The following THSD7B variants were observed in gnomAD, a reference collection of about 807,000 sequenced individuals.
THSD7B encodes thrombospondin type-1 domain-containing protein 7B.
Under a neutral mutation model 213.6 loss-of-function variants are expected in THSD7B, and 138 were observed. The ratio of observed to expected loss-of-function variants is 0.65; its 90% CI spans 0.56 to 0.74. THSD7B has a LOEUF of 0.74. Ranked by LOEUF, THSD7B falls within the 30% of genes least tolerant of loss-of-function variation. The probability of loss-of-function intolerance (pLI) is 0.00; values close to 1 mark genes in which losing one functional copy is unlikely to be tolerated. For synonymous variants in THSD7B, 742 were observed against 687.0 expected, an observed-to-expected ratio of 1.08 and a Z score of -1.25; for missense variants, 1,931 against 1,991.5, an observed-to-expected ratio of 0.97 and a Z score of 0.58.
rs572394682 is a variant in THSD7B at position 136,885,487 on chromosome 2, T to C, written c.139+3170T>C. Among the ~76,000 whole-genome samples, 4 of 152,306 alleles carry C rather than the reference T, an allele frequency of 2.6e-5. No individual in the cohort carries two copies. In the South Asian group the frequency reaches 8.3e-4, roughly 32 times the overall value. On this transcript the variant is annotated intron_variant, in intron 2 of 27. Coordinates refer to ENST00000409968, the MANE Select transcript of THSD7B (RefSeq NM_001316349.2). ...TGTGATGAGATCCTATAATCTATATTGGTGTCAGACACTCTGTTAGCTGTG... is the reference window on the plus strand; with the variant it reads ...TGTGATGAGATCCTATAATCTATATCGGTGTCAGACACTCTGTTAGCTGTG...
chr2:137,511,796 G>C (rs1001817129), intron 15 of THSD7B, among the ~76,000 whole-genome samples: 4 of 152,190 alleles, frequency 2.6e-5, no homozygotes, highest in African/African-American at 9.7e-5. Flanking sequence ...CTGCAGGGGA[G>C]TTTAGGAGTA....
At chr2:137,293,514 TTCTATC>T (rs1261031789) in intron 12 of THSD7B, among the ~76,000 whole-genome samples, 3 of 151,488 alleles carry the variant, frequency 2.0e-5, no homozygotes, top group Admixed American at 1.3e-4. Context: ...CTCTCTATCT[TTCTATC>T]TCTATCTTTC....
At chr2:137,160,389 C>T (rs778051296) in intron 6 of THSD7B, 21 bp downstream of exon 6, 86 of 1,609,008 alleles carry the variant, frequency 5.3e-5, no homozygotes, top group Middle Eastern at 1.7e-4. Flanking sequence ...TGTTTGCATG[C>T]GCTTCATTTG....
chr2:137,659,622 T>C, intron 24 of THSD7B, 42 bp from the exon 25 acceptor site: 1 of 1,535,678 alleles, frequency 6.5e-7, no homozygotes, highest in Non-Finnish European at 8.8e-7. Context: ...TAGAAATATC[T>C]AATAGAGAAA....
intron 16 of THSD7B, among the ~76,000 whole-genome samples, chr2:137,569,299 C>T (rs1175945441): frequency 2.0e-5 from 3 of 152,192 alleles, no homozygotes; most frequent in Non-Finnish European, 4.4e-5. Flanking sequence ...TAAGATAATA[C>T]AGTTCCATGG....
chr2:137,304,182 C>T (rs1488646677), intron 12 of THSD7B, among the ~76,000 whole-genome samples: 1 of 152,060 alleles, frequency 6.6e-6, no homozygotes, highest in Non-Finnish European at 1.5e-5. Flanking sequence ...ATATGTGATT[C>T]TTCATTGTCA....
At chr2:137,645,354 C>T (rs1205932451) in intron 21 of THSD7B, among the ~76,000 whole-genome samples, 1 of 152,152 alleles carries the variant, frequency 6.6e-6, no homozygotes. Context: ...ATGCTCTAGG[C>T]AATGGAGAGT....
chr2:137,187,942 GAA>G (rs36105166), intron 7 of THSD7B, among the ~76,000 whole-genome samples: 9 of 150,314 alleles, frequency 6.0e-5, no homozygotes, highest in African/African-American at 2.0e-4. Flanking sequence ...TATCAAATTT[GAA>G]AAAAAAAATT....
chr2:137,492,286 TTA>T (rs1441578959), intron 15 of THSD7B, among the ~76,000 whole-genome samples: 1 of 152,200 alleles, frequency 6.6e-6, no homozygotes, highest in Non-Finnish European at 1.5e-5. Flanking sequence ...TCTTTCCATC[TTA>T]TACCTATTTT....
chr2:136,847,950 T>C (rs1683037536), intron 1 of THSD7B, among the ~76,000 whole-genome samples: 1 of 152,178 alleles, frequency 6.6e-6, no homozygotes, highest in Non-Finnish European at 1.5e-5. Context: ...GATTCCAGTG[T>C]GCATTTAAAG....
At chr2:136,873,451 A>G (rs1683475345) in intron 1 of THSD7B, among the ~76,000 whole-genome samples, 1 of 152,162 alleles carries the variant, frequency 6.6e-6, no homozygotes, top group African/African-American at 2.4e-5. Context: ...ATGTCATTGC[A>G]AGGCCGGAGG....
intron 14 of THSD7B, among the ~76,000 whole-genome samples, chr2:137,424,810 G>A (rs1236129470): frequency 6.6e-6 from 1 of 152,040 alleles, no homozygotes; most frequent in Non-Finnish European, 1.5e-5. Context: ...AGTGGTTCAC[G>A]CCTGTAATCC....
chr2:137,667,858 T>C lies in THSD7B; in HGVS notation c.4736T>C (p.Val1579Ala). The C allele has an allele frequency of 6.3e-7, 1 of 1,584,898 alleles. No homozygotes were observed. Among genetic ancestry groups the C allele is most frequent in the Non-Finnish European group, 8.6e-7 (1 of 1,163,660 alleles). Residue 1579 changes from valine to alanine, a missense_variant, in exon 27 of 28, where the codon GTT becomes GCT. Val to Ala is a moderately conservative substitution (Grantham distance 64). Coordinates refer to ENST00000409968, the MANE Select transcript of THSD7B (RefSeq NM_001316349.2). ...TTCCTAATATTTACTTCCTACCTTGTTTGGTAAGTACTAATTAGTAAAAAG... is the reference window on the plus strand; with the variant it reads ...TTCCTAATATTTACTTCCTACCTTGCTTGGTAAGTACTAATTAGTAAAAAG... ...MIFLIFTSYLVCKKPKPHQST... is the reference protein window; with the variant it reads ...MIFLIFTSYLACKKPKPHQST...
intron 2 of THSD7B, among the ~76,000 whole-genome samples, chr2:136,930,415 A>G (rs1040473809): frequency 2.6e-5 from 4 of 152,224 alleles, no homozygotes; most frequent in African/African-American, 4.8e-5. Context: ...ATAGTAGCAG[A>G]TAAAGTTGGC....
At chr2:137,302,481 C>G (rs1037046082) in intron 12 of THSD7B, among the ~76,000 whole-genome samples, 2 of 152,010 alleles carry the variant, frequency 1.3e-5, no homozygotes, top group African/African-American at 2.4e-5. Flanking sequence ...TTGACAAGAA[C>G]AGTTATATGA....
chr2:136,979,717 A>G (rs1685542309), intron 2 of THSD7B, among the ~76,000 whole-genome samples: 1 of 152,152 alleles, frequency 6.6e-6, no homozygotes, highest in Non-Finnish European at 1.5e-5. Context: ...GCATTGGGTT[A>G]AAACATACTC....
At chr2:137,232,484 G>A (rs1329912982) in intron 8 of THSD7B, among the ~76,000 whole-genome samples, 1 of 152,096 alleles carries the variant, frequency 6.6e-6, no homozygotes, top group Admixed American at 6.6e-5. Flanking sequence ...GCTGCATAAG[G>A]GGTGTGTGTG....
In THSD7B at chr2:136,853,231, A is replaced by G. The variant is rs1683128626; in HGVS notation, c.-35-28913A>G. On this transcript the variant is annotated intron_variant, in intron 1 of 27. Transcript: ENST00000409968. ...TCAAATTTCCCCATCTGTCCTATCA[A>G]TGTCTCTTATTCCTTTGTGGTCCAT... Among the ~76,000 whole-genome samples the G allele has an allele frequency of 2.0e-5, 3 of 152,020 alleles. 1 individual carries two copies. The highest frequency in any genetic ancestry group is 4.4e-5 in the Non-Finnish European group (3 of 68,010).
chr2:137,443,792 G>A lies in THSD7B; in HGVS notation c.2960-7053G>A, dbSNP rs73958862. 9.3e-3 allele frequency among the ~76,000 whole-genome samples: 1,421 copies of A among 152,066 alleles called. 26 individuals carry two copies. Among genetic ancestry groups the A allele is most frequent in the African/African-American group, 0.032 (1,316 of 41,498 alleles). On this transcript the variant is annotated intron_variant, in intron 14 of 27. Transcript: ENST00000409968. ...TTAATTAAGGAAACTGGCTGACACC[G>A]AAATGATTTTCCTGGTGGATGTAAT...
Sources: allele counts gnomAD v4.1 joint callset (sites outside exome capture counted in the v4.1 genomes callset), GRCh38; gene constraint gnomAD v4.1.1; transcripts MANE v1.5; gene names NCBI Gene and HGNC (gene_info 2026-07-23, HGNC 2026-07-21).